Variants in CAMK2A observed in about 807,000 individuals in gnomAD.
CAMK2A encodes the protein calcium/calmodulin dependent protein kinase II alpha.
In CAMK2A, 7 loss-of-function variants were observed where a neutral mutation model predicts 79.2. The ratio of observed to expected loss-of-function variants is 0.09; its 90% CI spans 0.05 to 0.17. CAMK2A has a LOEUF of 0.17. CAMK2A is among the 10% of genes least tolerant of loss of function. The pLI, the probability that CAMK2A is intolerant of heterozygous loss-of-function variation, is 1.00. For missense variants in CAMK2A, 214 were observed against 646.4 expected (o/e 0.33, Z 7.25); for synonymous variants, 242 against 251.7 (o/e 0.96, Z 0.36).
intron 6 of CAMK2A, 130 bp from the exon 7 acceptor site, chr5:150,253,676 C>G: frequency 1.4e-6 from 1 of 712,120 alleles, no homozygotes; most frequent in South Asian, 1.7e-5. Flanking sequence ...CCCCTGCTTT[C>G]ATCTCCAGCC....
Position 150,289,771 on chromosome 5 carries a change from T to TTTTA in CAMK2A, c.-147_-146insTAAA. 1.6e-6 allele frequency: 1 copy of TTTTA among 617,898 alleles called. No individual in the cohort carries two copies. The allele number at this position is 617,898 out of a possible 1,614,324, so 38.3% of individuals were successfully genotyped here. On this transcript the variant is annotated 5_prime_UTR_variant, in exon 1 of 19. Coordinates refer to ENST00000671881, the MANE Select transcript of CAMK2A (RefSeq NM_015981.4). ...CGGTTTGACTGACGAGCCCGGGGCT[T>TTTTA]CTGAGCAGGGCACTGTGGCTGCTCA...
At position 150,221,155 on chromosome 5, in the gene CAMK2A, TTTG is replaced by T. The variant is rs1754287598; in HGVS notation, c.*1552_*1554del. On this transcript the variant is annotated 3_prime_UTR_variant, in exon 19 of 19. Coordinates refer to ENST00000671881, the MANE Select transcript of CAMK2A (RefSeq NM_015981.4). ...TTTAGTCCAAAACATGTAGATTGGT[TTTG>T]TTGAGTGTTTTCTTCTTTTTGTTTG... is the stretch of plus-strand genomic sequence containing the variant. 3.2e-6 allele frequency: 1 copy of T among 310,268 alleles called. No individual in the cohort carries two copies. The highest frequency in any genetic ancestry group is 5.0e-5 in the Admixed American group (1 of 19,890). 19.2% of individuals were successfully genotyped at this position (310,268 alleles called of 1,614,324 possible).
intron 3 of CAMK2A, among the ~76,000 whole-genome samples, chr5:150,263,364 T>C (rs752921029): frequency 1.3e-5 from 2 of 151,156 alleles, no homozygotes; most frequent in Non-Finnish European, 3.0e-5. Context: ...TCACACACAC[T>C]CACATACATG....
In CAMK2A at chr5:150,256,503, T is replaced by C; in HGVS notation, c.411+70A>G. On this transcript the variant is annotated intron_variant, in intron 6 of 18. Coordinates refer to ENST00000671881, the MANE Select transcript of CAMK2A (RefSeq NM_015981.4). The surrounding 1 kb of genome is among the most constrained non-coding windows in gnomAD (Gnocchi z 4.6). The stretch of plus-strand genomic sequence containing the variant: ...AAGCGATTCTGATAATGTCCAGCTC[T>C]GCAGGATTAGGGACGTGCAGAGGAG... 2 of 1,032,798 alleles carry C rather than the reference T, an allele frequency of 1.9e-6. No homozygotes were observed. The highest frequency in any genetic ancestry group is 2.4e-5 in the East Asian group (1 of 41,682). The allele number at this position is 1,032,798 out of a possible 1,614,324, so 64.0% of individuals were successfully genotyped here.
At chr5:150,260,866 G>A (rs1324394016) in intron 3 of CAMK2A, among the ~76,000 whole-genome samples, 4 of 152,156 alleles carry the variant, frequency 2.6e-5, no homozygotes, top group Non-Finnish European at 4.4e-5. Flanking sequence ...CTTCCTCCAC[G>A]TGGTCTCTGG....
rs1337231849 is a variant in CAMK2A, at chr5:150,228,250, A to G, written c.1179T>C (p.Pro393=). ...CCTCAACCAGGTTCCCCAGGGCCTC[A>G]GGTTCGAAGGCTGTCATGCCAGGGT... The part of the protein sequence containing the change: ...MCDPGMTAFE[P]EALGNLVEGL... Residue 393 remains proline (P), a synonymous_variant, in exon 17 of 19, where the codon CCT becomes CCC. Coordinates refer to ENST00000671881, the MANE Select transcript of CAMK2A (RefSeq NM_015981.4). The G allele has an allele frequency of 6.2e-7, 1 of 1,614,010 alleles. No homozygotes were observed. Among genetic ancestry groups the G allele is most frequent in the East Asian group, 2.2e-5 (1 of 44,876 alleles).
chr5:150,245,763 C>T (rs751922340), intron 12 of CAMK2A, among the ~76,000 whole-genome samples: 4 of 152,226 alleles, frequency 2.6e-5, no homozygotes, highest in Non-Finnish European at 5.9e-5. Context: ...CTCCTCAGGC[C>T]ATATAGGCCT....
At chr5:150,246,139 G>A (rs940683770) in intron 12 of CAMK2A, among the ~76,000 whole-genome samples, 2 of 152,210 alleles carry the variant, frequency 1.3e-5, no homozygotes, top group Non-Finnish European at 2.9e-5. Flanking sequence ...ATGAGCCACT[G>A]ATGCCCCAGG....
chr5:150,287,316 G>A (rs1562211357), intron 1 of CAMK2A, among the ~76,000 whole-genome samples: 1 of 152,194 alleles, frequency 6.6e-6, no homozygotes, highest in Admixed American at 6.5e-5. Context: ...GTTTTTCTGG[G>A]GAACGTAGAT....
intron 1 of CAMK2A, 40 bp downstream of exon 1, chr5:150,289,524 G>GC (rs1334353748): frequency 3.9e-6 from 6 of 1,537,482 alleles, no homozygotes; most frequent in South Asian, 1.1e-5. Flanking sequence ...TGACCTCCCC[G>GC]CCCCCCATGC....
rs146679543 is a variant in CAMK2A at position 150,265,920 on chromosome 5, G to A, written c.158-905C>T. Reference sequence around the variant, plus strand: ...ACTGCACTCCAGCCTAGGCGACAGAGCGAGACTTCATCTCAAAAAAAAAAA... The same window carrying A: ...ACTGCACTCCAGCCTAGGCGACAGAACGAGACTTCATCTCAAAAAAAAAAA... On this transcript the variant is annotated intron_variant, in intron 2 of 18. Coordinates refer to ENST00000671881, the MANE Select transcript of CAMK2A (RefSeq NM_015981.4). Among the ~76,000 whole-genome samples the A allele has an allele frequency of 5.1e-3, 759 of 149,316 alleles. 2 individuals are homozygous for A. Among genetic ancestry groups the A allele is most frequent in the Non-Finnish European group, 8.7e-3 (586 of 67,558 alleles).
chr5:150,261,658 C>T (rs1169951128), intron 3 of CAMK2A, among the ~76,000 whole-genome samples: 3 of 152,144 alleles, frequency 2.0e-5, no homozygotes, highest in African/African-American at 4.8e-5. Flanking sequence ...GTCCCCCTGA[C>T]ACCATATATG....
intron 1 of CAMK2A, among the ~76,000 whole-genome samples, chr5:150,275,664 G>A (rs1463284402): frequency 6.6e-6 from 1 of 152,190 alleles, no homozygotes; most frequent in African/African-American, 2.4e-5. Context: ...TACCAGTTGT[G>A]CATGTGTGTG....
chr5:150,273,274 G>T lies in CAMK2A; in HGVS notation c.63-115C>A, dbSNP rs906552137. Reference sequence around the variant, plus strand: ...TAGACAGAAGCCCTTCATCAGAGCTGCTCAAGCTCACAGGGGCTTCTGTGA... The same window carrying T: ...TAGACAGAAGCCCTTCATCAGAGCTTCTCAAGCTCACAGGGGCTTCTGTGA... On this transcript the variant is annotated intron_variant, in intron 1 of 18. Coordinates refer to ENST00000671881, the MANE Select transcript of CAMK2A (RefSeq NM_015981.4). 4.0e-6 allele frequency: 3 copies of T among 754,698 alleles called. No homozygotes were observed. The African/African-American group carries it at 5.2e-5, about 13-fold the overall frequency. The allele number at this position is 754,698 out of a possible 1,614,324, so 46.8% of individuals were successfully genotyped here. A position where few individuals can be genotyped will look rare whatever the true frequency, so the allele number is the denominator to read the frequency against.
chr5:150,251,923 G>T, intron 8 of CAMK2A, 59 bp downstream of exon 8: 1 of 1,567,300 alleles, frequency 6.4e-7, no homozygotes, highest in Non-Finnish European at 8.8e-7. Context: ...AAAGGAGAGA[G>T]GGGGCCCCAG....
At chr5:150,228,496 C>T (rs1467373369) in intron 16 of CAMK2A, among the ~76,000 whole-genome samples, 4 of 152,038 alleles carry the variant, frequency 2.6e-5, no homozygotes, top group African/African-American at 9.7e-5. Flanking sequence ...TGGGTTCAGG[C>T]CCTGGCTCTG....
rs141311163 is a variant in CAMK2A, at chr5:150,264,591, C to T, written c.217+365G>A. On this transcript the variant is annotated intron_variant, in intron 3 of 18. Transcript: ENST00000671881. ...AGGTCGACGGAGGAGGGCAGGGCCA[C>T]GGTGCCAGGCTGAATCGGCATGGGT... Among the ~76,000 whole-genome samples the T allele has an allele frequency of 2.7e-3, 414 of 152,314 alleles. 2 individuals carry two copies. Among genetic ancestry groups the T allele is most frequent in the African/African-American group, 9.0e-3 (375 of 41,574 alleles).
At chr5:150,249,458 G>A (rs1242749439) in intron 11 of CAMK2A, among the ~76,000 whole-genome samples, 1 of 152,176 alleles carries the variant, frequency 6.6e-6, no homozygotes, top group Non-Finnish European at 1.5e-5. Context: ...CAGCCACTCT[G>A]AACCACTTGT....
chr5:150,277,354 C>T (rs116004671), intron 1 of CAMK2A, among the ~76,000 whole-genome samples: 3,308 of 152,352 alleles, frequency 0.022, 126 homozygotes, highest in African/African-American at 0.075. Flanking sequence ...CACTGCCCAA[C>T]GCCTTCCGGG....
Sources: allele counts gnomAD v4.1 joint callset (sites outside exome capture counted in the v4.1 genomes callset), GRCh38; gene constraint gnomAD v4.1.1; non-coding constraint Gnocchi (gnomAD v3.1); transcripts MANE v1.5; gene names NCBI Gene and HGNC (gene_info 2026-07-23, HGNC 2026-07-21).